TNFRSF10C: variants seen among roughly 807,000 people sequenced by gnomAD.
The protein encoded by TNFRSF10C is tumor necrosis factor receptor superfamily member 10C.
In TNFRSF10C, 17 loss-of-function variants were observed where a neutral mutation model predicts 16.7. The observed-to-expected ratio is 1.02, with a 90% CI of 0.70 to 1.53. The LOEUF (loss-of-function observed/expected upper bound fraction) is 1.53. Among genes scored for constraint, TNFRSF10C ranks in the 40% most tolerant of loss-of-function variants. The probability of loss-of-function intolerance (pLI) is 0.00; values close to 1 mark genes in which losing one functional copy is unlikely to be tolerated. For synonymous variants in TNFRSF10C, 73 were observed against 119.7 expected, an observed-to-expected ratio of 0.61 and a Z score of 2.55; for missense variants, 237 against 329.7, an observed-to-expected ratio of 0.72 and a Z score of 2.18.
At chr8:23,114,063 C>T (rs560792212) in intron 2 of TNFRSF10C, among the ~76,000 whole-genome samples, 3 of 152,004 alleles carry the variant, frequency 2.0e-5, no homozygotes, top group African/African-American at 7.2e-5. Context: ...TGGGGCCTCT[C>T]GGGGATGGTG....
At position 23,103,125 on chromosome 8, in the gene TNFRSF10C, G is replaced by A; in HGVS notation, c.4G>A (p.Ala2Thr). The stretch of plus-strand genomic sequence containing the variant: ...GGACGGCGTCGGGAACCATACCATG[G>A]CCCGGATCCCCAAGACCCTAAAGTT... M[A>T]RIPKTLKFVV... is the part of the protein sequence containing the mutation. The change falls in exon 1 of 5, where the codon GCC becomes ACC. Residue 2 changes from alanine to threonine, a missense_variant. Transcript: ENST00000356864. The A allele has an allele frequency of 6.2e-7, 1 of 1,611,752 alleles. No individual in the cohort carries two copies. Among genetic ancestry groups the A allele is most frequent in the African/African-American group, 1.3e-5 (1 of 74,998 alleles).
chr8:23,116,160 C>G (rs904772302), intron 4 of TNFRSF10C, among the ~76,000 whole-genome samples: 1 of 152,194 alleles, frequency 6.6e-6, no homozygotes, highest in Non-Finnish European at 1.5e-5. Flanking sequence ...CCCAATCCCT[C>G]AATAAGTCCT....
chr8:23,102,928 C>A lies in TNFRSF10C; in HGVS notation c.-194C>A. The stretch of plus-strand genomic sequence containing the variant: ...GCGCTGCGCTCCGATTCTGGCAGTG[C>A]AGCTGTGGGAACCTCTCCACGCGCA... On this transcript the variant is annotated 5_prime_UTR_variant, in exon 1 of 5. Transcript: ENST00000356864. 6.8e-7 allele frequency: 1 copy of A among 1,472,326 alleles called. No homozygotes were observed. Among genetic ancestry groups the A allele is most frequent in the Non-Finnish European group, 9.0e-7 (1 of 1,106,818 alleles). The allele number at this position is 1,472,326 out of a possible 1,614,324, so 91.2% of individuals were successfully genotyped here. A position where few individuals can be genotyped will look rare whatever the true frequency, so the allele number is the denominator to read the frequency against.
Position 23,114,784 on chromosome 8 carries a change from G to C in TNFRSF10C, c.280+14G>C. On this transcript the variant is annotated intron_variant, in intron 3 of 4. Transcript: ENST00000356864. ...TTTGTAAATCAGGTACAGAATGTGT[G>C]GACCTCTTGTCCAGAGGTGGAGCGT... 1 of 1,609,366 alleles carries C rather than the reference G, an allele frequency of 6.2e-7. No homozygotes were observed. The highest frequency in any genetic ancestry group is 2.2e-5 in the East Asian group (1 of 44,866).
intron 2 of TNFRSF10C, chr8:23,114,426 G>A (rs1813936952): frequency 5.1e-6 from 2 of 388,572 alleles, no homozygotes; most frequent in Non-Finnish European, 9.4e-6. Flanking sequence ...TTTTAATATG[G>A]CTCTCATAGA....
chr8:23,114,448 G>T, intron 2 of TNFRSF10C: 2 of 421,036 alleles, frequency 4.8e-6, no homozygotes, highest in Non-Finnish European at 4.3e-6. Flanking sequence ...TTTGAATTTT[G>T]CATAGAATTT....
chr8:23,103,090 C>T lies in TNFRSF10C; in HGVS notation c.-32C>T. On this transcript the variant is annotated 5_prime_UTR_variant, in exon 1 of 5. Coordinates refer to ENST00000356864, the MANE Select transcript of TNFRSF10C (RefSeq NM_003841.5). The stretch of plus-strand genomic sequence containing the variant: ...CCTGATGGCCGAGGCAGGGTGCGAC[C>T]CAGGACCCAGGACGGCGTCGGGAAC... The T allele has an allele frequency of 6.2e-7, 1 of 1,603,560 alleles. No individual in the cohort carries two copies. The highest frequency in any genetic ancestry group is 1.1e-5 in the South Asian group (1 of 88,956).
rs1813964145 is a variant in TNFRSF10C, at chr8:23,115,540, A to G, written c.313A>G (p.Arg105Gly). Residue 105 changes from arginine (R) to glycine (G), a missense_variant, in exon 4 of 5, where the codon AGA becomes GGA. Physicochemically the swap from Arg to Gly is moderately radical, Grantham distance 125. This residue lies in a region of TNFRSF10C where 212 missense variants were observed against 196.8 expected (regional missense o/e 1.08). Coordinates refer to ENST00000356864, the MANE Select transcript of TNFRSF10C (RefSeq NM_003841.5). ...ACATAAAAGTTCCTGCACCATGACC[A>G]GAGACACAGTGTGTCAGTGTAAAGA... ...QKHKSSCTMT[R>G]DTVCQCKEGT... is the part of the protein sequence containing the mutation. The G allele has an allele frequency of 6.2e-7, 1 of 1,613,282 alleles. No homozygotes were observed. The highest frequency in any genetic ancestry group is 8.5e-7 in the Non-Finnish European group (1 of 1,179,656).
intron 1 of TNFRSF10C, 150 bp from the exon 2 acceptor site, chr8:23,111,568 AAC>A (rs1813878705): frequency 4.5e-6 from 3 of 664,048 alleles, no homozygotes; most frequent in Non-Finnish European, 8.1e-6. Flanking sequence ...CCAAGGGACA[AAC>A]ACAGGTATGA....
At chr8:23,107,810 G>C (rs945958582) in intron 1 of TNFRSF10C, among the ~76,000 whole-genome samples, 5 of 152,194 alleles carry the variant, frequency 3.3e-5, no homozygotes, top group African/African-American at 1.2e-4. Context: ...GTTTGGAAGG[G>C]CTGAGAAAGC....
intron 1 of TNFRSF10C, among the ~76,000 whole-genome samples, chr8:23,109,053 C>T (rs1813830186): frequency 6.6e-6 from 1 of 152,094 alleles, no homozygotes; most frequent in African/African-American, 2.4e-5. Context: ...CAATATAACA[C>T]ATCAAAAGTG....
intron 2 of TNFRSF10C, 22 bp downstream of exon 2, chr8:23,111,847 T>G (rs780432942): frequency 1.2e-6 from 2 of 1,602,032 alleles, no homozygotes; most frequent in East Asian, 4.5e-5. Context: ...TTTTTAAAAA[T>G]CAGTTTATTT....
chr8:23,114,946 T>C (rs551270102), intron 3 of TNFRSF10C, among the ~76,000 whole-genome samples, 176 bp downstream of exon 3: 2 of 152,196 alleles, frequency 1.3e-5, no homozygotes, highest in African/African-American at 4.8e-5. Context: ...CTATAATGCA[T>C]GCCACCTGGC....
chr8:23,113,815 C>G (rs1012763178), intron 2 of TNFRSF10C, among the ~76,000 whole-genome samples: 1 of 151,914 alleles, frequency 6.6e-6, no homozygotes, highest in Non-Finnish European at 1.5e-5. Flanking sequence ...CAAATCTGGG[C>G]GTGGTGGTGC....
rs757516121 is a variant in TNFRSF10C at position 23,111,815 on chromosome 8, G to T, written c.156G>T (p.Glu52Asp). 1.5e-5 allele frequency: 25 copies of T among 1,614,052 alleles called. No homozygotes were observed. The highest frequency in any genetic ancestry group is 1.9e-5 in the Non-Finnish European group (23 of 1,179,946). Residue 52 changes from glutamate (E) to aspartate (D), a missense_variant, in exon 2 of 5, where the codon GAG becomes GAT. Glu to Asp is a conservative substitution (Grantham distance 45). This residue lies in a region of TNFRSF10C where 212 missense variants were observed against 196.8 expected (regional missense o/e 1.08). Transcript: ENST00000356864. ...AGAGGCACAGCTTCAAGGGGGAGGA[G>T]TGTCCAGCAGGTGCACTCTTATTTT... ...QQQRHSFKGE[E>D]CPAGSHRSEH... is the part of the protein sequence containing the mutation.
Position 23,117,090 on chromosome 8 carries a change from T to C in TNFRSF10C, c.*59T>C. The C allele has an allele frequency of 6.3e-7, 1 of 1,583,176 alleles. No homozygotes were observed. The highest frequency in any genetic ancestry group is 8.6e-7 in the Non-Finnish European group (1 of 1,166,710). ...CTGAAAGGTTCAGGTAGGCGCTGGC[T>C]GAGGGCGGGGGGCGCTGGACACTCT... On this transcript the variant is annotated 3_prime_UTR_variant, in exon 5 of 5. Coordinates refer to ENST00000356864, the MANE Select transcript of TNFRSF10C (RefSeq NM_003841.5).
At chr8:23,115,876 G>A (rs1194419634) in intron 4 of TNFRSF10C, among the ~76,000 whole-genome samples, 2 of 151,614 alleles carry the variant, frequency 1.3e-5, no homozygotes, top group Non-Finnish European at 2.9e-5. Flanking sequence ...CTGGGCACAA[G>A]AAGCAACTTT....
rs1813880536 is a variant in TNFRSF10C, at chr8:23,111,710, G to C, written c.61-10G>C. The C allele has an allele frequency of 6.2e-7, 1 of 1,612,550 alleles. No individual in the cohort carries two copies. ...AGTCACTCACACCCATCACTCCTTT[G>C]TCCCCACAGGTCCTAGCTTACTCTG... On this transcript the variant is annotated splice_polypyrimidine_tract_variant and intron_variant, in intron 1 of 4. Transcript: ENST00000356864.
At chr8:23,107,130 C>T (rs1056634172) in intron 1 of TNFRSF10C, among the ~76,000 whole-genome samples, 5 of 152,070 alleles carry the variant, frequency 3.3e-5, no homozygotes, top group African/African-American at 1.2e-4. Flanking sequence ...ATCACTTGAG[C>T]CCAGGAGTTC....
Sources: gnomAD v4.1 joint callset for allele counts (sites outside exome capture counted in the v4.1 genomes callset) on GRCh38, gnomAD v4.1.1 for gene constraint, gnomAD v4.1.1 regional missense constraint, MANE v1.5 for transcripts, NCBI Gene and HGNC (gene_info 2026-07-23, HGNC 2026-07-21) for gene names.